Variants in CDK13 observed in about 807,000 individuals in gnomAD.
CDK13 encodes the protein cyclin-dependent kinase 13.
Under a neutral mutation model 137.6 loss-of-function variants are expected in CDK13, and 40 were observed. The observed-to-expected ratio is 0.29, with a 90% CI of 0.23 to 0.38. The LOEUF (loss-of-function observed/expected upper bound fraction) is 0.38, where lower values mean the gene tolerates loss of function less well. Among genes scored for constraint, CDK13 ranks in the 10% least tolerant of loss-of-function variants. The probability of loss-of-function intolerance (pLI) is 1.00; values close to 1 mark genes in which losing one functional copy is unlikely to be tolerated. For missense variants in CDK13, 1,704 were observed against 1,951.8 expected, an observed-to-expected ratio of 0.87 and a Z score of 2.39; for synonymous variants, 869 against 760.1, an observed-to-expected ratio of 1.14 and a Z score of -2.36.
chr7:39,974,491 C>G (rs1209021741), intron 1 of CDK13, among the ~76,000 whole-genome samples: 3 of 150,950 alleles, frequency 2.0e-5, no homozygotes, highest in African/African-American at 7.3e-5. Flanking sequence ...AAGCCTTGCA[C>G]TTTTTAAACT....
intron 5 of CDK13, among the ~76,000 whole-genome samples, chr7:40,004,354 TC>T (rs1410727189): frequency 3.9e-5 from 6 of 152,202 alleles, no homozygotes; most frequent in African/African-American, 1.4e-4. Context: ...TCATCTTTCT[TC>T]CTACCATAAT....
At chr7:40,058,503 C>T (rs1446289458) in intron 7 of CDK13, among the ~76,000 whole-genome samples, 1 of 137,274 alleles carries the variant, frequency 7.3e-6, no homozygotes, top group African/African-American at 2.7e-5. Context: ...CACTGAATTC[C>T]ATTCAGGGCA....
intron 5 of CDK13, among the ~76,000 whole-genome samples, chr7:40,034,359 G>A (rs1194177001): frequency 6.6e-6 from 1 of 152,120 alleles, no homozygotes; most frequent in Non-Finnish European, 1.5e-5. Context: ...AAGAGTTGTT[G>A]CTTTTCACCT....
chr7:40,034,971 G>C (rs780429974), intron 5 of CDK13, among the ~76,000 whole-genome samples: 5 of 152,080 alleles, frequency 3.3e-5, no homozygotes, highest in Non-Finnish European at 5.9e-5. Flanking sequence ...TTATTCATCT[G>C]TTAGGCACAA....
chr7:40,077,644 CAG>C (rs1469856678), intron 9 of CDK13, among the ~76,000 whole-genome samples: 1 of 152,156 alleles, frequency 6.6e-6, no homozygotes, highest in African/African-American at 2.4e-5. Context: ...CACTTGAGAA[CAG>C]GGGTTCAAGA....
chr7:40,023,325 A>T (rs971556836), intron 5 of CDK13, among the ~76,000 whole-genome samples: 6 of 152,106 alleles, frequency 3.9e-5, no homozygotes, highest in South Asian at 2.1e-4. Flanking sequence ...TTGTCCTCCC[A>T]AAGTGTTGCG....
At chr7:40,090,403 G>A (rs919819417) in intron 12 of CDK13, among the ~76,000 whole-genome samples, 1 of 152,062 alleles carries the variant, frequency 6.6e-6, no homozygotes, top group Non-Finnish European at 1.5e-5. Context: ...ACCCAGGCTG[G>A]AGTACAGTGA....
At position 39,950,800 on chromosome 7, in the gene CDK13, G is replaced by A. The variant is rs2116048417; in HGVS notation, c.159G>A (p.Pro53=). 3.4e-6 allele frequency: 5 copies of A among 1,459,688 alleles called. No individual in the cohort carries two copies. The highest frequency in any genetic ancestry group is 2.6e-5 in the Admixed American group (1 of 39,092). 90.4% of individuals were successfully genotyped at this position (1,459,688 alleles called of 1,614,324 possible). A position where few individuals can be genotyped will look rare whatever the true frequency, so the allele number is the denominator to read the frequency against. Residue 53 remains proline, a synonymous_variant, in exon 1 of 14, where the codon CCG becomes CCA. Transcript: ENST00000181839. ...LLQPQLLQPP[P]PPPPLLFLAA... is the part of the protein sequence containing the mutation. ...AGCCGCAGCTCCTGCAACCGCCGCC[G>A]CCCCCGCCGCCTCTGCTCTTCCTGG...
chr7:39,962,488 T>A (rs529424612), intron 1 of CDK13, among the ~76,000 whole-genome samples: 1 of 152,340 alleles, frequency 6.6e-6, no homozygotes, highest in South Asian at 2.1e-4. Flanking sequence ...GGGTTGTTTT[T>A]TTCTTGTAAA....
intron 5 of CDK13, among the ~76,000 whole-genome samples, chr7:40,010,187 G>A (rs536794356): frequency 6.6e-6 from 1 of 152,150 alleles, no homozygotes; most frequent in Admixed American, 6.5e-5. Flanking sequence ...TTGTTTTCCT[G>A]CAACTAGATG....
intron 5 of CDK13, among the ~76,000 whole-genome samples, chr7:40,004,956 G>A (rs1287529494): frequency 6.6e-6 from 1 of 152,142 alleles, no homozygotes; most frequent in Non-Finnish European, 1.5e-5. Flanking sequence ...TCACCCGACT[G>A]AGGTCAAGAG....
chr7:40,029,968 T>C (rs1246211156), intron 5 of CDK13, among the ~76,000 whole-genome samples: 2 of 152,158 alleles, frequency 1.3e-5, no homozygotes, highest in East Asian at 3.9e-4. Context: ...AGATTCTTAC[T>C]GTCTGAAGTA....
At chr7:40,055,541 C>T (rs908734093) in intron 7 of CDK13, among the ~76,000 whole-genome samples, 4 of 149,780 alleles carry the variant, frequency 2.7e-5, no homozygotes, top group Non-Finnish European at 5.9e-5. Context: ...TCTAATAGCG[C>T]AAGTTTGAAA....
chr7:39,997,619 A>G lies in CDK13; in HGVS notation c.1997A>G (p.Glu666Gly), dbSNP rs776699836. ...GGAGATGATCTTTCAAAGAGTCCAG[A>G]GGAAAAGAAAACAGCAACACAGTTA... ...PGGDDLSKSPEEKKTATQLHS... is the reference protein window; with the variant it reads ...PGGDDLSKSPGEKKTATQLHS... The change falls in exon 3 of 14, where the codon GAG (glutamate) becomes GGG (glycine). Residue 666 changes from glutamate (E) to glycine (G), a missense_variant. Glu to Gly is a moderately conservative substitution (Grantham distance 98). This residue lies in a region of CDK13 where 1,051 missense variants were observed against 931.0 expected (regional missense o/e 1.13). Coordinates refer to ENST00000181839, the MANE Select transcript of CDK13 (RefSeq NM_003718.5). 1.9e-6 allele frequency: 3 copies of G among 1,613,814 alleles called. No individual in the cohort carries two copies. The highest frequency in any genetic ancestry group is 2.5e-6 in the Non-Finnish European group (3 of 1,179,850).
chr7:40,058,576 G>A (rs1311265652), intron 7 of CDK13, among the ~76,000 whole-genome samples: 1 of 150,498 alleles, frequency 6.6e-6, no homozygotes, highest in Non-Finnish European at 1.5e-5. Flanking sequence ...CGGGCAGGGC[G>A]GGCGGGGGGG....
At chr7:40,014,452 CTTTT>C (rs70996871) in intron 5 of CDK13, among the ~76,000 whole-genome samples, 3 of 118,698 alleles carry the variant, frequency 2.5e-5, no homozygotes, top group Admixed American at 1.7e-4. Context: ...ATTTCTCTCT[CTTTT>C]TTTTTTTTTT....
At chr7:40,084,881 C>T (rs180955018) in intron 11 of CDK13, among the ~76,000 whole-genome samples, 2 of 152,304 alleles carry the variant, frequency 1.3e-5, no homozygotes, top group Non-Finnish European at 2.9e-5. Context: ...GCCTAAGACA[C>T]ATCAAGTAAG....
intron 9 of CDK13, among the ~76,000 whole-genome samples, chr7:40,065,674 C>T (rs1786264969): frequency 6.6e-6 from 1 of 151,864 alleles, no homozygotes; most frequent in Non-Finnish European, 1.5e-5. Context: ...AAATCACAAC[C>T]TTAAATATAC....
At chr7:40,052,233 C>G (rs798855) in intron 7 of CDK13, among the ~76,000 whole-genome samples, 98,143 of 152,106 alleles carry the variant, frequency 0.65, 32,751 homozygotes, top group African/African-American at 0.83. Flanking sequence ...CTGCAGTGCA[C>G]TGGTGTGATC....
Sources: allele counts gnomAD v4.1 joint callset (sites outside exome capture counted in the v4.1 genomes callset), GRCh38; gene constraint gnomAD v4.1.1; regional missense constraint gnomAD v4.1.1; transcripts MANE v1.5; gene names NCBI Gene and HGNC (gene_info 2026-07-23, HGNC 2026-07-21).